JAKMIP3: variants seen among roughly 807,000 people sequenced by gnomAD.
JAKMIP3 encodes the protein Janus kinase and microtubule interacting protein 3.
JAKMIP3 carries 58 observed loss-of-function variants against 118.5 expected under a neutral mutation model. The observed-to-expected ratio is 0.49, with a 90% CI of 0.40 to 0.61. The LOEUF is 0.61. Among genes scored for constraint, JAKMIP3 ranks in the 20% least tolerant of loss-of-function variants. The pLI is 0.00. For missense variants in JAKMIP3, 950 were observed against 1,109.0 expected (o/e 0.86, Z 2.04); for synonymous variants, 486 against 451.2 (o/e 1.08, Z -0.98).
At chr10:132,148,995 C>T (rs1018803914) in intron 14 of JAKMIP3, among the ~76,000 whole-genome samples, 11 of 152,186 alleles carry the variant, frequency 7.2e-5, no homozygotes, top group African/African-American at 2.7e-4. Context: ...CCACGTGGGC[C>T]TGCCTGTGGG....
intron 2 of JAKMIP3, 150 bp downstream of exon 2, chr10:132,105,093 G>A (rs2045702444): frequency 1.1e-6 from 1 of 929,380 alleles, no homozygotes; most frequent in Admixed American, 2.7e-5. Flanking sequence ...ACTTGGTGGG[G>A]GGTGGGGCGG....
rs2048059987 is a variant in JAKMIP3, at chr10:132,118,440, G to GC, written c.633+870dup. Among the ~76,000 whole-genome samples, 1 of 152,198 alleles carries GC rather than the reference G, an allele frequency of 6.6e-6. No homozygotes were observed. The highest frequency in any genetic ancestry group is 6.5e-5 in the Admixed American group (1 of 15,288). On this transcript the variant is annotated intron_variant, in intron 3 of 23. Transcript: ENST00000684848. This position sits in a 1 kb window ranked among gnomAD's most constrained non-coding sequence, Gnocchi z 4.8. The stretch of plus-strand genomic sequence containing the variant: ...GCCCTGTGCCTCTTCAGGACCCGGA[G>GC]CCCCGGGCACCTTGGGTGGGATGCA...
At chr10:132,094,912 G>A (rs1053465241) in intron 1 of JAKMIP3, among the ~76,000 whole-genome samples, 10 of 152,296 alleles carry the variant, frequency 6.6e-5, no homozygotes, top group Admixed American at 6.5e-4. Context: ...TGTGGCTGCT[G>A]TGGGGCATGG....
At position 132,168,280 on chromosome 10, in the gene JAKMIP3, ACTG is replaced by A. The variant is rs1354287222; in HGVS notation, c.*353_*355del. On this transcript the variant is annotated 3_prime_UTR_variant, in exon 23 of 24. Transcript: ENST00000684848. ...CATTCCCTGCCAAGCAGGGGTGAGA[ACTG>A]CTTCTGTGCAGAAGCACCAGCCGCG... is the stretch of plus-strand genomic sequence containing the variant. 1 of 1,289,178 alleles carries A rather than the reference ACTG, an allele frequency of 7.8e-7. No individual in the cohort carries two copies. The highest frequency in any genetic ancestry group is 1.2e-5 in the South Asian group (1 of 81,002). 79.9% of individuals were successfully genotyped at this position (1,289,178 alleles called of 1,614,324 possible).
Position 132,163,363 on chromosome 10 carries a change from A to T in JAKMIP3, c.2375A>T (p.Asp792Val). 2 of 1,608,800 alleles carry T rather than the reference A, an allele frequency of 1.2e-6. No homozygotes were observed. Among genetic ancestry groups the T allele is most frequent in the Non-Finnish European group, 1.7e-6 (2 of 1,179,498 alleles). Reference sequence around the variant, plus strand: ...GTCATGAGTGAGCTGCGCGAGCGGGACGCCCAGATCCTGCGGGAGCGCATG... The same window carrying T: ...GTCATGAGTGAGCTGCGCGAGCGGGTCGCCCAGATCCTGCGGGAGCGCATG... Reference protein sequence around the residue: ...RQVMSELRERDAQILRERMEL... With the variant: ...RQVMSELRERVAQILRERMEL... Residue 792 changes from aspartate to valine, a missense_variant, in exon 20 of 24, where the codon GAC (aspartate) becomes GTC (valine). By Grantham distance (152) the Asp-to-Val change is radical. Transcript: ENST00000684848.
Position 132,179,822 on chromosome 10 carries a change from T to C in JAKMIP3, c.*1104-2535T>C, listed in dbSNP as rs113911960. 3.8e-3 allele frequency among the ~76,000 whole-genome samples: 568 copies of C among 151,444 alleles called. 2 individuals are homozygous for C. The highest frequency in any genetic ancestry group is 5.2e-3 in the Non-Finnish European group (355 of 68,012). ...ATCGCAGCCCTATAATCGGGAGGCA[T>C]GGCTGGATCTGCAAGGGAAGAGTTC... On this transcript the variant is annotated intron_variant, in intron 23 of 23. Transcript: ENST00000684848. The surrounding 1 kb of genome is among the most constrained non-coding windows in gnomAD (Gnocchi z 4.3).
chr10:132,094,559 A>AG (rs2134507514), intron 1 of JAKMIP3, among the ~76,000 whole-genome samples: 1 of 152,194 alleles, frequency 6.6e-6, no homozygotes, highest in African/African-American at 2.4e-5. Flanking sequence ...CAAGTCTACC[A>AG]GGCTCTGGGC....
chr10:132,106,647 A>G (rs551800937), intron 2 of JAKMIP3, among the ~76,000 whole-genome samples: 15 of 152,352 alleles, frequency 9.8e-5, no homozygotes, highest in African/African-American at 3.6e-4. Context: ...CCAGGCGCCC[A>G]TAAATCCCAA....
In JAKMIP3 at chr10:132,147,094, A is replaced by C. The variant is rs180997052; in HGVS notation, c.1750-858A>C. ...CTTGGAGCCATGCTTTTTTCTGGCT[A>C]CACTGGGTGCAGATCACATTCCTGG... On this transcript the variant is annotated intron_variant, in intron 13 of 23. Coordinates refer to ENST00000684848, the MANE Select transcript of JAKMIP3 (RefSeq NM_001323087.2). 7.9e-5 allele frequency among the ~76,000 whole-genome samples: 12 copies of C among 152,354 alleles called. No individual in the cohort carries two copies. In the East Asian group the frequency reaches 2.3e-3, roughly 29 times the overall value.
At chr10:132,160,243 G>C (rs1454243478) in intron 19 of JAKMIP3, among the ~76,000 whole-genome samples, 3 of 6,868 alleles carry the variant, frequency 4.4e-4, no homozygotes, top group Non-Finnish European at 4.5e-4. Flanking sequence ...GCTGGGGGGG[G>C]CCTCTCACTG....
At chr10:132,042,029 G>A (rs2037772846) in intron 1 of JAKMIP3, among the ~76,000 whole-genome samples, 1 of 151,958 alleles carries the variant, frequency 6.6e-6, no homozygotes, top group Non-Finnish European at 1.5e-5. Flanking sequence ...ACCACACCTG[G>A]CTAATTTTTG....
rs748736977 is a variant in JAKMIP3 at position 132,155,140 on chromosome 10, TATG to T, written c.2220+1151_2220+1153del. 2.6e-4 allele frequency among the ~76,000 whole-genome samples: 38 copies of T among 143,886 alleles called. 1 individual carries two copies. In the East Asian group the frequency reaches 3.9e-3, roughly 15 times the overall value. 94.4% of individuals were successfully genotyped at this position (143,886 alleles called of 152,430 possible). On this transcript the variant is annotated intron_variant, in intron 19 of 23. Coordinates refer to ENST00000684848, the MANE Select transcript of JAKMIP3 (RefSeq NM_001323087.2). ...GTCATGATGATGGTGATGGTGGTGA[TATG>T]GTGGTGATGATCATGACAGTGGTGG... is the stretch of plus-strand genomic sequence containing the variant.
chr10:132,151,544 A>T (rs1450058298), intron 16 of JAKMIP3, among the ~76,000 whole-genome samples: 2 of 152,106 alleles, frequency 1.3e-5, no homozygotes, highest in African/African-American at 4.8e-5. Context: ...TGGACCTGAC[A>T]TCTCTGGGGT....
chr10:132,092,260 T>G (rs533610240), intron 1 of JAKMIP3, among the ~76,000 whole-genome samples: 1 of 152,310 alleles, frequency 6.6e-6, no homozygotes, highest in African/African-American at 2.4e-5. Flanking sequence ...GTTGCTCTTC[T>G]TGAGGAGTAT....
intron 9 of JAKMIP3, among the ~76,000 whole-genome samples, chr10:132,139,373 TGTGA>T (rs67320899): frequency 0.66 from 89,764 of 135,796 alleles, 30,566 homozygotes; most frequent in African/African-American, 0.72. Flanking sequence ...TCTGTACGTG[TGTGA>T]GTATGTGAGT....
intron 2 of JAKMIP3, among the ~76,000 whole-genome samples, chr10:132,111,321 C>T (rs2046832896): frequency 6.7e-6 from 1 of 150,088 alleles, no homozygotes; most frequent in African/African-American, 2.5e-5. Flanking sequence ...GCTGGGGTTA[C>T]TGCTGAGGAA....
intron 14 of JAKMIP3, among the ~76,000 whole-genome samples, chr10:132,148,976 C>T (rs182990829): frequency 1.6e-3 from 249 of 152,304 alleles, no homozygotes; most frequent in African/African-American, 5.7e-3. Context: ...CATGTGTGGA[C>T]GACCTCGGCC....
At chr10:132,111,475 C>T (rs2046866459) in intron 2 of JAKMIP3, among the ~76,000 whole-genome samples, 1 of 152,132 alleles carries the variant, frequency 6.6e-6, no homozygotes, top group South Asian at 2.1e-4. Flanking sequence ...AGGGCAGGTG[C>T]AGCCCTCATG....
intron 22 of JAKMIP3, among the ~76,000 whole-genome samples, chr10:132,167,575 C>G (rs928315562): frequency 2.6e-5 from 4 of 152,158 alleles, no homozygotes; most frequent in Non-Finnish European, 5.9e-5. Flanking sequence ...TACCATGGCA[C>G]CCGCCAGCAT....
Sources: allele counts gnomAD v4.1 joint callset (sites outside exome capture counted in the v4.1 genomes callset), GRCh38; gene constraint gnomAD v4.1.1; non-coding constraint Gnocchi (gnomAD v3.1); transcripts MANE v1.5; gene names NCBI Gene and HGNC (gene_info 2026-07-23, HGNC 2026-07-21).